CMC1: variants seen among roughly 807,000 people sequenced by gnomAD.
CMC1 encodes the protein C-X9-C motif containing 1.
In CMC1, 14 loss-of-function variants were observed where a neutral mutation model predicts 14.1. The ratio of observed to expected loss-of-function variants is 0.99; its 90% confidence interval spans 0.66 to 1.55. The LOEUF is 1.55. Ranked by LOEUF, CMC1 falls within the 40% of genes most tolerant of loss-of-function variation. The pLI is 0.00. For synonymous variants in CMC1, 50 were observed against 38.4 expected (o/e 1.30, Z -1.12); for missense variants, 127 against 123.8 (o/e 1.03, Z -0.12).
At chr3:28,274,865 C>G (rs1700497586) in intron 2 of CMC1, among the ~76,000 whole-genome samples, 1 of 152,036 alleles carries the variant, frequency 6.6e-6, no homozygotes, top group South Asian at 2.1e-4. Flanking sequence ...GCAAGATAGT[C>G]TTCAAGCTCT....
chr3:28,312,937 G>C (rs1320410475), intron 2 of CMC1, among the ~76,000 whole-genome samples: 1 of 152,012 alleles, frequency 6.6e-6, no homozygotes, highest in African/African-American at 2.4e-5. Flanking sequence ...GCTCACTGCA[G>C]CTTTCTCCTC....
In CMC1 at chr3:28,312,587, T is replaced by C. The variant is rs1385869558; in HGVS notation, c.110-3746T>C. ...CATATTATTGGGGATTATTTAAGTA[T>C]TAAAGTATATCTGGAAGTTCCATAA... On this transcript the variant is annotated intron_variant, in intron 2 of 3. Coordinates refer to ENST00000466830, the MANE Select transcript of CMC1 (RefSeq NM_182523.2). Among the ~76,000 whole-genome samples the C allele has an allele frequency of 2.6e-5, 4 of 152,170 alleles. No homozygotes were observed. The South Asian group carries it at 8.3e-4, about 31-fold the overall frequency.
rs1314910255 is a variant in CMC1, at chr3:28,323,919, T to C, written c.*4290T>C. ...TACTATTGTACAGTGTGTTCAAATA[T>C]AGATACTGAAGACCTCTGCAAAATT... On this transcript the variant is annotated 3_prime_UTR_variant, in exon 4 of 4. Coordinates refer to ENST00000466830, the MANE Select transcript of CMC1 (RefSeq NM_182523.2). The C allele has an allele frequency of 3.7e-5, 41 of 1,118,728 alleles. No individual in the cohort carries two copies. The highest frequency in any genetic ancestry group is 1.5e-4 in the Admixed American group (6 of 40,422). The allele number at this position is 1,118,728 out of a possible 1,614,324, so 69.3% of individuals were successfully genotyped here.
At chr3:28,274,469 G>T (rs1416697031) in intron 2 of CMC1, among the ~76,000 whole-genome samples, 1 of 151,982 alleles carries the variant, frequency 6.6e-6, no homozygotes, top group Non-Finnish European at 1.5e-5. Flanking sequence ...TAAGGTTTTT[G>T]CTGAGAGGTC....
chr3:28,308,609 C>T (rs979340251), intron 2 of CMC1, among the ~76,000 whole-genome samples: 2 of 152,118 alleles, frequency 1.3e-5, no homozygotes, highest in Non-Finnish European at 2.9e-5. Context: ...AAAATATGTC[C>T]ATTTTCTTTA....
intron 2 of CMC1, among the ~76,000 whole-genome samples, chr3:28,277,121 T>C (rs1359335916): frequency 2.0e-5 from 3 of 152,204 alleles, no homozygotes; most frequent in Admixed American, 6.5e-5. Context: ...CTAAATCCTA[T>C]AAATCAGCAG....
intron 3 of CMC1, chr3:28,317,844 A>C (rs1703000207): frequency 6.6e-6 from 1 of 151,994 alleles, no homozygotes; most frequent in African/African-American, 2.4e-5. Context: ...TTTTTTGATT[A>C]GTATTTGTTA....
At position 28,310,816 on chromosome 3, in the gene CMC1, A is replaced by T. The variant is rs1702599544; in HGVS notation, c.110-5517A>T. 2.0e-5 allele frequency among the ~76,000 whole-genome samples: 3 copies of T among 152,166 alleles called. No homozygotes were observed. The South Asian group carries it at 6.2e-4, about 32-fold the overall frequency. ...AAGACACTTTTCCAGTGGTTTTGGGATGAAACTATTCCACCTCAGATCATC... is the reference window on the plus strand; with the variant it reads ...AAGACACTTTTCCAGTGGTTTTGGGTTGAAACTATTCCACCTCAGATCATC... On this transcript the variant is annotated intron_variant, in intron 2 of 3. Coordinates refer to ENST00000466830, the MANE Select transcript of CMC1 (RefSeq NM_182523.2).
rs370962571 is a variant in CMC1, at chr3:28,324,704, G to A, written c.*5075G>A. On this transcript the variant is annotated 3_prime_UTR_variant, in exon 4 of 4. Coordinates refer to ENST00000466830, the MANE Select transcript of CMC1 (RefSeq NM_182523.2). ...CCTGATGTCTCTTTCCTTGTCTGCA[G>A]AATGGATATAGAATTCCTGTCCCAA... The A allele has an allele frequency of 9.1e-5, 31 of 339,008 alleles. No homozygotes were observed. Among genetic ancestry groups the A allele is most frequent in the Middle Eastern group, 7.9e-4 (1 of 1,272 alleles). The allele number at this position is 339,008 out of a possible 1,614,324, so 21.0% of individuals were successfully genotyped here. A position where few individuals can be genotyped will look rare whatever the true frequency, so the allele number is the denominator to read the frequency against.
At chr3:28,261,903 T>A (rs1465690204) in intron 1 of CMC1, among the ~76,000 whole-genome samples, 1 of 152,158 alleles carries the variant, frequency 6.6e-6, no homozygotes, top group Non-Finnish European at 1.5e-5. Context: ...TTTGGTTGGA[T>A]AATATCTGAG....
At chr3:28,269,940 C>T (rs139678386) in intron 2 of CMC1, among the ~76,000 whole-genome samples, 38 of 152,288 alleles carry the variant, frequency 2.5e-4, no homozygotes, top group African/African-American at 8.4e-4. Context: ...CTGCCCCCAA[C>T]AGACCCCAGT....
intron 2 of CMC1, among the ~76,000 whole-genome samples, chr3:28,288,058 G>A (rs1486872418): frequency 2.6e-5 from 4 of 151,824 alleles, no homozygotes; most frequent in African/African-American, 4.8e-5. Flanking sequence ...TACCACATAC[G>A]ACAATGCAGA....
At chr3:28,255,345 A>G (rs1008053740) in intron 1 of CMC1, among the ~76,000 whole-genome samples, 3 of 151,308 alleles carry the variant, frequency 2.0e-5, no homozygotes, top group Non-Finnish European at 4.4e-5. Context: ...GGTTCAAGCA[A>G]TTCTCTTGCC....
intron 2 of CMC1, among the ~76,000 whole-genome samples, chr3:28,301,897 C>T (rs77366084): frequency 0.022 from 3,313 of 151,678 alleles, 53 homozygotes; most frequent in Middle Eastern, 0.054. Flanking sequence ...CCCCCATCAA[C>T]ACACACCAAC....
rs538175491 is a variant in CMC1, at chr3:28,283,864, T to C, written c.109+20484T>C. 2.6e-5 allele frequency among the ~76,000 whole-genome samples: 4 copies of C among 152,330 alleles called. No homozygotes were observed. In the East Asian group the frequency reaches 7.7e-4, roughly 29 times the overall value. On this transcript the variant is annotated intron_variant, in intron 2 of 3. Transcript: ENST00000466830. ...CATCCTAGGAGAAAAGTCAAAGCTA[T>C]ATTTGGAAATTTGAAACCCTCTTTA...
intron 2 of CMC1, among the ~76,000 whole-genome samples, chr3:28,279,972 A>C (rs1700794497): frequency 6.6e-6 from 1 of 152,236 alleles, no homozygotes; most frequent in Admixed American, 6.5e-5. Context: ...TATTTATAGT[A>C]GTGTATCTAT....
intron 1 of CMC1, among the ~76,000 whole-genome samples, chr3:28,245,782 G>T (rs568902631): frequency 6.6e-6 from 1 of 152,270 alleles, no homozygotes; most frequent in East Asian, 1.9e-4. Context: ...GGTTCTTTCA[G>T]TGGTTCCTGT....
chr3:28,292,570 C>G (rs1251856494), intron 2 of CMC1, among the ~76,000 whole-genome samples: 1 of 152,116 alleles, frequency 6.6e-6, no homozygotes, highest in South Asian at 2.1e-4. Flanking sequence ...TGATGATAGT[C>G]TCATTCCCTT....
chr3:28,318,890 C>T (rs1335216562), intron 3 of CMC1: 4 of 185,706 alleles, frequency 2.2e-5, no homozygotes, highest in Middle Eastern at 2.4e-3. Context: ...GTGAGGTGCT[C>T]TATTAATTGT....
Sources: allele counts gnomAD v4.1 joint callset (sites outside exome capture counted in the v4.1 genomes callset), GRCh38; gene constraint gnomAD v4.1.1; transcripts MANE v1.5; gene names NCBI Gene and HGNC (gene_info 2026-07-23, HGNC 2026-07-21).